Variants in DGKB observed in about 807,000 individuals in gnomAD.
The protein encoded by DGKB is 90 kDa diacylglycerol kinase.
DGKB carries 67 observed loss-of-function variants against 114.3 expected under a neutral mutation model. The observed-to-expected ratio is 0.59, with a 90% CI of 0.48 to 0.72. The LOEUF is 0.72. Ranked by LOEUF, DGKB falls within the 30% of genes least tolerant of loss-of-function variation. The pLI is 0.00. For missense variants in DGKB, 907 were observed against 975.2 expected (o/e 0.93, Z 0.93); for synonymous variants, 398 against 323.1 (o/e 1.23, Z -2.49).
At chr7:14,416,577 G>A (rs1005531119) in intron 21 of DGKB, among the ~76,000 whole-genome samples, 1 of 151,982 alleles carries the variant, frequency 6.6e-6, no homozygotes, top group Non-Finnish European at 1.5e-5. Context: ...AATCATGGGG[G>A]TGGTTTCCCC....
intron 1 of DGKB, among the ~76,000 whole-genome samples, chr7:14,879,699 A>T (rs1853922018): frequency 6.6e-6 from 1 of 152,204 alleles, no homozygotes; most frequent in East Asian, 1.9e-4. Context: ...AGTTGGGAAG[A>T]ATAATCAACA....
chr7:14,888,822 A>T (rs1050864612), intron 1 of DGKB, among the ~76,000 whole-genome samples: 3 of 151,716 alleles, frequency 2.0e-5, no homozygotes, highest in Non-Finnish European at 4.4e-5. Flanking sequence ...TTCTTATTTA[A>T]ATATTGAAAT....
chr7:14,651,985 C>G (rs1359915285), intron 13 of DGKB, among the ~76,000 whole-genome samples: 1 of 134,070 alleles, frequency 7.5e-6, no homozygotes, highest in African/African-American at 2.9e-5. Flanking sequence ...AACCACTGCT[C>G]AAGGAAATAA....
At chr7:14,600,436 G>A (rs1019425900) in intron 17 of DGKB, among the ~76,000 whole-genome samples, 2 of 152,120 alleles carry the variant, frequency 1.3e-5, no homozygotes, top group East Asian at 3.9e-4. Flanking sequence ...TCTATCCCAG[G>A]AGCCCCAAAA....
rs535449249 is a variant in DGKB at position 14,535,414 on chromosome 7, T to G, written c.1770+38798A>C. Among the ~76,000 whole-genome samples, 18 of 145,970 alleles carry G rather than the reference T, an allele frequency of 1.2e-4. No individual in the cohort carries two copies. The South Asian group carries it at 3.9e-3, about 32-fold the overall frequency. On this transcript the variant is annotated intron_variant, in intron 20 of 25. Transcript: ENST00000402815. ...AAAAAAGAAAGAAAGAAAGAAAAAT[T>G]AAAAAGAAGAAGTATCTCAAATCAA...
At chr7:14,619,078 G>A (rs961469612) in intron 15 of DGKB, among the ~76,000 whole-genome samples, 1 of 150,996 alleles carries the variant, frequency 6.6e-6, no homozygotes, top group African/African-American at 2.4e-5. Context: ...GGCTATATAT[G>A]TGTATTCTAT....
chr7:14,450,475 G>C lies in DGKB; in HGVS notation c.1835+27686C>G, dbSNP rs189743123. On this transcript the variant is annotated intron_variant, in intron 21 of 25. Coordinates refer to ENST00000402815, the MANE Select transcript of DGKB (RefSeq NM_001350709.2). ...GTGGGAGATTTCTGCCAAACTAAGA[G>C]GGCAAAGCCCTACAGTGGCTGAGTG... Among the ~76,000 whole-genome samples, 389 of 152,216 alleles carry C rather than the reference G, an allele frequency of 2.6e-3. 15 individuals carry two copies. Among genetic ancestry groups the C allele is most frequent in the Admixed American group, 0.025 (388 of 15,268 alleles).
At chr7:14,424,459 C>A (rs1187136524) in intron 21 of DGKB, among the ~76,000 whole-genome samples, 1 of 151,880 alleles carries the variant, frequency 6.6e-6, no homozygotes. Context: ...TCTCTGACCA[C>A]CCTATATAAA....
chr7:14,807,751 A>C (rs1842948630), intron 2 of DGKB, among the ~76,000 whole-genome samples: 1 of 151,966 alleles, frequency 6.6e-6, no homozygotes, highest in South Asian at 2.1e-4. Flanking sequence ...AATAATTTTG[A>C]GTATTATTGC....
intron 23 of DGKB, among the ~76,000 whole-genome samples, chr7:14,201,918 A>G (rs1785952804): frequency 6.6e-6 from 1 of 152,022 alleles, no homozygotes; most frequent in Non-Finnish European, 1.5e-5. Flanking sequence ...AATGTATTAT[A>G]TTAAGTACAC....
At chr7:14,355,222 T>C (rs891913192) in intron 21 of DGKB, among the ~76,000 whole-genome samples, 5 of 151,958 alleles carry the variant, frequency 3.3e-5, no homozygotes, top group Non-Finnish European at 7.4e-5. Context: ...ATTAAGTCAA[T>C]CAATTGTTTA....
At chr7:14,358,006 T>A (rs1467078971) in intron 21 of DGKB, among the ~76,000 whole-genome samples, 1 of 152,162 alleles carries the variant, frequency 6.6e-6, no homozygotes, top group Non-Finnish European at 1.5e-5. Context: ...CCGACCTTTC[T>A]CTCTGGCTGC....
chr7:14,235,390 G>C (rs932387651), intron 23 of DGKB, among the ~76,000 whole-genome samples: 4 of 151,944 alleles, frequency 2.6e-5, no homozygotes, highest in African/African-American at 9.7e-5. Flanking sequence ...GTTTTGCTTG[G>C]AACAGGCAAA....
intron 1 of DGKB, among the ~76,000 whole-genome samples, chr7:14,925,580 A>T (rs890652866): frequency 6.6e-6 from 1 of 152,142 alleles, no homozygotes; most frequent in African/African-American, 2.4e-5. Flanking sequence ...TGCATCAAAA[A>T]TTTTTAAGTT....
chr7:14,924,168 T>C (rs1784643172), intron 1 of DGKB, among the ~76,000 whole-genome samples: 1 of 152,042 alleles, frequency 6.6e-6, no homozygotes, highest in Non-Finnish European at 1.5e-5. Context: ...TATAGAATTG[T>C]ATTTATTTTT....
intron 21 of DGKB, among the ~76,000 whole-genome samples, chr7:14,418,746 G>C (rs184732439): frequency 6.7e-4 from 100 of 148,778 alleles, no homozygotes; most frequent in African/African-American, 2.4e-3. Context: ...CATTAGCATT[G>C]TTACCCTTAA....
In DGKB at chr7:14,147,166, C is replaced by T. The variant is rs1235421266; in HGVS notation, c.*1965G>A. ...TACGTAACATTATGTCAGTAATGTA[C>T]TTGTTACTGTTTTGAGATTTCTTTC... On this transcript the variant is annotated 3_prime_UTR_variant, in exon 26 of 26. Transcript: ENST00000402815. The T allele has an allele frequency of 6.6e-6, 1 of 152,052 alleles. No homozygotes were observed. Among genetic ancestry groups the T allele is most frequent in the Non-Finnish European group, 1.5e-5 (1 of 67,990 alleles). 9.4% of individuals were successfully genotyped at this position (152,052 alleles called of 1,614,324 possible). A position where few individuals can be genotyped will look rare whatever the true frequency, so the allele number is the denominator to read the frequency against.
chr7:14,254,339 CT>C (rs1328245603), intron 23 of DGKB, among the ~76,000 whole-genome samples: 7 of 152,248 alleles, frequency 4.6e-5, no homozygotes, highest in Admixed American at 3.9e-4. Flanking sequence ...ATATACACAG[CT>C]AGTGAATTAC....
At position 14,429,933 on chromosome 7, in the gene DGKB, C is replaced by G. The variant is rs183507086; in HGVS notation, c.1835+48228G>C. Among the ~76,000 whole-genome samples the G allele has an allele frequency of 3.8e-5, 4 of 103,994 alleles. No individual in the cohort carries two copies. In the South Asian group the frequency reaches 9.5e-4, roughly 25 times the overall value. 68.2% of individuals were successfully genotyped at this position (103,994 alleles called of 152,430 possible). A position where few individuals can be genotyped will look rare whatever the true frequency, so the allele number is the denominator to read the frequency against. ...CAGAGTGAGACTCTGTCCCCCCCCC[C>G]AAAAAAAAGGCAAAATGTATTTCGG... On this transcript the variant is annotated intron_variant, in intron 21 of 25. Transcript: ENST00000402815.
Sources: allele counts gnomAD v4.1 joint callset (sites outside exome capture counted in the v4.1 genomes callset), GRCh38; gene constraint gnomAD v4.1.1; transcripts MANE v1.5; gene names NCBI Gene and HGNC (gene_info 2026-07-23, HGNC 2026-07-21).